LARGE1: variants seen among roughly 807,000 people sequenced by gnomAD.
LARGE1 encodes xylosyl- and glucuronyltransferase LARGE1.
LARGE1 carries 43 observed loss-of-function variants against 87.6 expected under a neutral mutation model. The observed-to-expected ratio is 0.49, with a 90% CI of 0.38 to 0.63. The LOEUF (loss-of-function observed/expected upper bound fraction) is 0.63, where lower values mean the gene tolerates loss of function less well. Among genes scored for constraint, LARGE1 ranks in the 30% least tolerant of loss-of-function variants. The pLI is 0.00. For synonymous variants in LARGE1, 434 were observed against 394.6 expected (o/e 1.10, Z -1.18); for missense variants, 802 against 1,000.2 (o/e 0.80, Z 2.67).
At chr22:33,494,032 C>A (rs1415884348) in intron 6 of LARGE1, among the ~76,000 whole-genome samples, 2 of 152,244 alleles carry the variant, frequency 1.3e-5, no homozygotes, top group Non-Finnish European at 2.9e-5. Flanking sequence ...ATGCCCACTC[C>A]GTGGCTAACA....
At chr22:33,329,570 T>G (rs578131956) in intron 10 of LARGE1, among the ~76,000 whole-genome samples, 2 of 152,266 alleles carry the variant, frequency 1.3e-5, no homozygotes, top group African/African-American at 4.8e-5. Context: ...GTGAACAGTC[T>G]GGGGCCATTT....
chr22:33,487,216 T>C (rs2069627077), intron 6 of LARGE1, among the ~76,000 whole-genome samples: 1 of 152,206 alleles, frequency 6.6e-6, no homozygotes. Flanking sequence ...TTACTGAGCC[T>C]GTACCATCAA....
At chr22:33,653,186 G>A (rs1215744798) in intron 2 of LARGE1, among the ~76,000 whole-genome samples, 2 of 152,176 alleles carry the variant, frequency 1.3e-5, no homozygotes, top group Non-Finnish European at 2.9e-5. Flanking sequence ...TGTCTATCAT[G>A]GATCTGCACC....
the LARGE1 span, among the ~76,000 whole-genome samples, chr22:33,088,288 A>G: frequency 6.6e-6 from 1 of 152,168 alleles, no homozygotes; most frequent in Non-Finnish European, 1.5e-5. Flanking sequence ...TCATGGAAAA[A>G]GCACTGCACC....
intron 2 of LARGE1, among the ~76,000 whole-genome samples, chr22:33,712,860 C>G (rs1437497908): frequency 1.3e-5 from 2 of 152,110 alleles, no homozygotes; most frequent in Admixed American, 6.5e-5. Context: ...GGACTCTGTG[C>G]CTTAGGAATT....
At chr22:33,783,204 G>A (rs974293457) in intron 1 of LARGE1, among the ~76,000 whole-genome samples, 2 of 151,972 alleles carry the variant, frequency 1.3e-5, no homozygotes, top group Non-Finnish European at 2.9e-5. Flanking sequence ...TCAGAGTGAT[G>A]AGAGTCTCTT....
the LARGE1 span, among the ~76,000 whole-genome samples, chr22:33,133,192 T>C: frequency 6.6e-6 from 1 of 152,308 alleles, no homozygotes; most frequent in East Asian, 1.9e-4. Context: ...ATTTTTATTT[T>C]TTTAATACTT....
chr22:33,854,863 C>T (rs751934603), intron 1 of LARGE1, among the ~76,000 whole-genome samples: 10 of 152,110 alleles, frequency 6.6e-5, no homozygotes, highest in African/African-American at 9.7e-5. Context: ...TGCAAGAGCC[C>T]GGCGAAGGTG....
At chr22:33,298,042 C>G (rs953959942) in intron 12 of LARGE1, among the ~76,000 whole-genome samples, 1 of 151,008 alleles carries the variant, frequency 6.6e-6, no homozygotes, top group Non-Finnish European at 1.5e-5. Flanking sequence ...TGTCAGAAAC[C>G]TGTACCAGTC....
In LARGE1 at chr22:33,304,367, T is replaced by C; in HGVS notation, c.1592A>G (p.Tyr531Cys). The C allele has an allele frequency of 6.2e-7, 1 of 1,614,258 alleles. No individual in the cohort carries two copies. Among genetic ancestry groups the C allele is most frequent in the Non-Finnish European group, 8.5e-7 (1 of 1,180,046 alleles). ...CTGGCCCTCCTTGTACACGATGTGG[T>C]AGCCCACGTTGTGGCGGCTCATAAG... ...EVLMSRHNVG[Y>C]HIVYKEGQFY... The change falls in exon 12 of 15, where the codon TAC (tyrosine) becomes TGC (cysteine). Residue 531 changes from tyrosine to cysteine, a missense_variant. Tyr to Cys is a radical substitution (Grantham distance 194, BLOSUM62 -2). This residue lies in a region of LARGE1 where 625 missense variants were observed against 841.9 expected (regional missense o/e 0.74). Transcript: ENST00000397394.
At chr22:33,700,517 C>G (rs240081) in intron 2 of LARGE1, among the ~76,000 whole-genome samples, 1,899 of 152,242 alleles carry the variant, frequency 0.012, 36 homozygotes, top group African/African-American at 0.044. Flanking sequence ...GGTGCCAGAA[C>G]TATGCTCTGT....
rs779146785 is a variant in LARGE1 at position 33,384,221 on chromosome 22, C to T, written c.976G>A (p.Gly326Ser). The T allele has an allele frequency of 6.2e-7, 1 of 1,614,060 alleles. No individual in the cohort carries two copies. The highest frequency in any genetic ancestry group is 1.3e-5 in the African/African-American group (1 of 75,032). ...WRLTAERELM[G>S]MLSTSLADQD... ...TCAGCTAAGGATGTAGAGAGCATGCCCATGAGCTCCCTCTCTGCGGTCAGC... is the reference window on the plus strand; with the variant it reads ...TCAGCTAAGGATGTAGAGAGCATGCTCATGAGCTCCCTCTCTGCGGTCAGC... Residue 326 changes from glycine to serine, a missense_variant, in exon 8 of 15, where the codon GGC (glycine) becomes AGC (serine). Coordinates refer to ENST00000397394, the MANE Select transcript of LARGE1 (RefSeq NM_133642.5).
chr22:33,123,221 G>A, the LARGE1 span, among the ~76,000 whole-genome samples: 1 of 145,950 alleles, frequency 6.9e-6, no homozygotes, highest in Non-Finnish European at 1.5e-5. Context: ...GGGCCATAAA[G>A]CCTGCACATA....
At chr22:33,399,909 T>C (rs1038185899) in intron 7 of LARGE1, among the ~76,000 whole-genome samples, 4 of 152,230 alleles carry the variant, frequency 2.6e-5, no homozygotes, top group African/African-American at 9.6e-5. Flanking sequence ...AGTAAAGTAA[T>C]ATCACTGTCA....
chr22:33,207,394 T>G (rs1318906055), intron 11 of LARGE1, among the ~76,000 whole-genome samples: 1 of 152,234 alleles, frequency 6.6e-6, no homozygotes, highest in Non-Finnish European at 1.5e-5. Context: ...TCCCTGAGGC[T>G]TCTCACTGCA....
intron 2 of LARGE1, among the ~76,000 whole-genome samples, chr22:33,681,250 C>G (rs534488572): frequency 1.3e-5 from 2 of 152,124 alleles, no homozygotes; most frequent in Non-Finnish European, 2.9e-5. Flanking sequence ...GTTGTCACCC[C>G]AAAACATTTG....
At chr22:33,288,777 T>C (rs1932003915) in intron 12 of LARGE1, among the ~76,000 whole-genome samples, 1 of 152,160 alleles carries the variant, frequency 6.6e-6, no homozygotes. Flanking sequence ...ACTCTGTTCT[T>C]GTCCCCTACA....
intron 6 of LARGE1, among the ~76,000 whole-genome samples, chr22:33,435,003 CTTTGT>C (rs1257445084): frequency 6.6e-6 from 1 of 152,042 alleles, no homozygotes. Context: ...TGTTTGTTTG[CTTTGT>C]TTTGTTTTTT....
intron 11 of LARGE1, among the ~76,000 whole-genome samples, chr22:33,307,604 T>C (rs1250988509): frequency 6.6e-6 from 1 of 152,152 alleles, no homozygotes; most frequent in Non-Finnish European, 1.5e-5. Flanking sequence ...ATATTTGTTA[T>C]TTCCAATGCA....
Sources: allele counts gnomAD v4.1 joint callset (sites outside exome capture counted in the v4.1 genomes callset), GRCh38; gene constraint gnomAD v4.1.1; regional missense constraint gnomAD v4.1.1; transcripts MANE v1.5; gene names NCBI Gene and HGNC (gene_info 2026-07-23, HGNC 2026-07-21).